The following SZT2 variants were observed in gnomAD, a reference collection of about 807,000 sequenced individuals.
The protein encoded by SZT2 is SZT2 subunit of KICSTOR complex, also known as KICSTOR complex protein SZT2.
In SZT2, 216 loss-of-function variants were observed where a neutral mutation model predicts 404.2. That is an observed-to-expected ratio of 0.53 (90% CI 0.48 to 0.60). SZT2 has a LOEUF of 0.60. Among genes scored for constraint, SZT2 ranks in the 20% least tolerant of loss-of-function variants. The pLI is 0.00. For synonymous variants in SZT2, 1,693 were observed against 1,749.9 expected (o/e 0.97, Z 0.81); for missense variants, 3,857 against 4,459.2 (o/e 0.86, Z 3.85).
At position 43,439,261 on chromosome 1, in the gene SZT2, A is replaced by C. The variant is rs1570703721; in HGVS notation, c.6793-97A>C. 6.5e-7 allele frequency: 1 copy of C among 1,533,706 alleles called. No homozygotes were observed. On this transcript the variant is annotated intron_variant, in intron 48 of 71. Coordinates refer to ENST00000634258, the MANE Select transcript of SZT2 (RefSeq NM_001365999.1). The surrounding 1 kb of genome is among the most constrained non-coding windows in gnomAD (Gnocchi z 4.2). Reference sequence around the variant, plus strand: ...CCCGCCTGTGTCTTCTCATGCTCCCATATCTACCTGCACCACATTCCCCAC... The same window carrying C: ...CCCGCCTGTGTCTTCTCATGCTCCCCTATCTACCTGCACCACATTCCCCAC...
chr1:43,392,299 A>C (rs929311887), intron 1 of SZT2, among the ~76,000 whole-genome samples: 4 of 152,122 alleles, frequency 2.6e-5, no homozygotes, highest in African/African-American at 4.8e-5. Context: ...TGGTCTAGCA[A>C]CATTGTAAGT....
rs1653433410 is a variant in SZT2, at chr1:43,428,308, T to C, written c.3988T>C (p.Cys1330Arg). The C allele has an allele frequency of 6.2e-7, 1 of 1,614,040 alleles. No individual in the cohort carries two copies. The highest frequency in any genetic ancestry group is 1.7e-5 in the Admixed American group (1 of 60,006). Residue 1330 changes from cysteine (C) to arginine (R), a missense_variant, in exon 28 of 72, where the codon TGT becomes CGT. Around this residue, in one of 7 missense-constraint regions of SZT2, gnomAD observed 1,725 missense variants for 1,881.0 expected, o/e 0.92. Transcript: ENST00000634258. ...SQDLLTAVDA[C>R]EELLQEIDIT... ...GGATTTGCTGACAGCGGTAGATGCC[T>C]GTGAGGAGCTACTACAAGAAATAGA...
rs1158211086 is a variant in SZT2 at position 43,391,945 on chromosome 1, G to A, written c.27+1950G>A. ...AAAAAATACAAAAAATTAGCTGGGC[G>A]TGGTGGCGGGCGCCTGTAGTCCCAG... is the stretch of plus-strand genomic sequence containing the variant. On this transcript the variant is annotated intron_variant, in intron 1 of 71. Transcript: ENST00000634258. Among the ~76,000 whole-genome samples the A allele has an allele frequency of 2.9e-5, 2 of 69,740 alleles. 1 individual carries two copies. Among genetic ancestry groups the A allele is most frequent in the African/African-American group, 1.2e-4 (2 of 16,848 alleles). The allele number at this position is 69,740 out of a possible 152,430, so 45.8% of individuals were successfully genotyped here.
In SZT2 at chr1:43,448,129, T is replaced by C; in HGVS notation, c.9614T>C (p.Leu3205Pro). 6.2e-7 allele frequency: 1 copy of C among 1,605,914 alleles called. No homozygotes were observed. Among genetic ancestry groups the C allele is most frequent in the Non-Finnish European group, 8.5e-7 (1 of 1,174,748 alleles). ...LTSQRELFPR[L>P]TADMRRFRKP... ...AGCCAGCGAGAGCTCTTCCCCAGGCTCACTGCTGACATGCGCCGCTTCCGG... is the reference window on the plus strand; with the variant it reads ...AGCCAGCGAGAGCTCTTCCCCAGGCCCACTGCTGACATGCGCCGCTTCCGG... Residue 3205 changes from leucine to proline, a missense_variant, in exon 69 of 72, where the codon CTC (leucine) becomes CCC (proline). By Grantham distance (98) the Leu-to-Pro change is moderately conservative. This residue lies in a region of SZT2 where 717 missense variants were observed against 868.2 expected (regional missense o/e 0.83). Transcript: ENST00000634258. The surrounding 1 kb of genome is among the most constrained non-coding windows in gnomAD (Gnocchi z 4.2).
chr1:43,446,577 C>A, intron 65 of SZT2, 161 bp downstream of exon 65: 3 of 824,992 alleles, frequency 3.6e-6, no homozygotes, highest in Non-Finnish European at 1.9e-6. Context: ...CATTCTGGTG[C>A]CATGACTGCA....
chr1:43,439,518 T>C lies in SZT2; in HGVS notation c.6877+76T>C. On this transcript the variant is annotated intron_variant, in intron 49 of 71. Coordinates refer to ENST00000634258, the MANE Select transcript of SZT2 (RefSeq NM_001365999.1). The surrounding 1 kb of genome is among the most constrained non-coding windows in gnomAD (Gnocchi z 4.2). ...TTGTCATCCTATTGCTAAGAGGACA[T>C]TTCCCAGGCTTGCAGCTGAGTGGAG... is the stretch of plus-strand genomic sequence containing the variant. The C allele has an allele frequency of 1.2e-6, 2 of 1,600,402 alleles. No individual in the cohort carries two copies. The highest frequency in any genetic ancestry group is 1.7e-6 in the Non-Finnish European group (2 of 1,171,958).
rs1193615889 is a variant in SZT2, at chr1:43,403,706, G to T, written c.259G>T (p.Val87Phe). 1.9e-6 allele frequency: 3 copies of T among 1,614,138 alleles called. No individual in the cohort carries two copies. The highest frequency in any genetic ancestry group is 2.5e-6 in the Non-Finnish European group (3 of 1,180,038). ...ATTCCTCCTGGTACCTTCCACCCGG[G>T]TCACCTTCCTGGCTTGGCAGTATCG... ...RPFLLVPSTR[V>F]TFLAWQYRFV... Residue 87 changes from valine to phenylalanine, a missense_variant, in exon 3 of 72, where the codon GTC (valine) becomes TTC (phenylalanine). By Grantham distance (50) the Val-to-Phe change is conservative. This residue lies in a region of SZT2 where 536 missense variants were observed against 637.4 expected (regional missense o/e 0.84). Coordinates refer to ENST00000634258, the MANE Select transcript of SZT2 (RefSeq NM_001365999.1).
Position 43,450,119 on chromosome 1 carries a change from A to G in SZT2, c.10103A>G (p.Lys3368Arg). The G allele has an allele frequency of 6.2e-7, 1 of 1,614,102 alleles. No individual in the cohort carries two copies. The highest frequency in any genetic ancestry group is 1.6e-4 in the Middle Eastern group (1 of 6,062). The change falls in exon 71 of 72, where the codon AAG becomes AGG. Residue 3368 changes from lysine (K) to arginine (R), a missense_variant. Physicochemically the swap from Lys to Arg is conservative, Grantham distance 26. Coordinates refer to ENST00000634258, the MANE Select transcript of SZT2 (RefSeq NM_001365999.1). The surrounding 1 kb of genome is among the most constrained non-coding windows in gnomAD (Gnocchi z 4.3). ...GTQYLVVLNQ[K>R]FTDCFVLVFL... ...TCACTGCAGGTTGTGCTGAATCAGA[A>G]GTTCACTGACTGCTTTGTGCTAGTG...
chr1:43,437,053 C>A lies in SZT2; in HGVS notation c.6035-118C>A. 7.6e-7 allele frequency: 1 copy of A among 1,319,626 alleles called. No homozygotes were observed. The highest frequency in any genetic ancestry group is 1.1e-6 in the Non-Finnish European group (1 of 951,624). The allele number at this position is 1,319,626 out of a possible 1,614,324, so 81.7% of individuals were successfully genotyped here. ...ACCCAGAATGATCATCATTTCTCTG[C>A]AATAGTCAGGGATGAGTCTGGAGGA... On this transcript the variant is annotated intron_variant, in intron 42 of 71. Transcript: ENST00000634258. The surrounding 1 kb of genome is among the most constrained non-coding windows in gnomAD (Gnocchi z 5.3).
At chr1:43,392,958 C>T (rs191019222) in intron 1 of SZT2, among the ~76,000 whole-genome samples, 9 of 152,206 alleles carry the variant, frequency 5.9e-5, no homozygotes, top group African/African-American at 2.2e-4. Context: ...GATACAGAGC[C>T]GTGTAAGACA....
Position 43,453,092 on chromosome 1 carries a change from TG to T in SZT2, c.*2614del. 1.2e-6 allele frequency: 1 copy of T among 807,212 alleles called. No homozygotes were observed. The highest frequency in any genetic ancestry group is 2.7e-5 in the East Asian group (1 of 37,702). 50.0% of individuals were successfully genotyped at this position (807,212 alleles called of 1,614,324 possible). On this transcript the variant is annotated 3_prime_UTR_variant, in exon 72 of 72. Coordinates refer to ENST00000634258, the MANE Select transcript of SZT2 (RefSeq NM_001365999.1). ...TGCCTACCCTGCTCCCACAGCTTCC[TG>T]GAATAGGCCTGTCCTCAAATGCATC... is the stretch of plus-strand genomic sequence containing the variant.
In SZT2 at chr1:43,431,001, G is replaced by GA; in HGVS notation, c.4828dup (p.Arg1610LysfsTer34). 1 of 1,614,182 alleles carries GA rather than the reference G, an allele frequency of 6.2e-7. No individual in the cohort carries two copies. Among genetic ancestry groups the GA allele is most frequent in the Non-Finnish European group, 8.5e-7 (1 of 1,180,036 alleles). On this transcript the variant is annotated frameshift_variant, in exon 33 of 72. Coordinates refer to ENST00000634258, the MANE Select transcript of SZT2 (RefSeq NM_001365999.1). LOFTEE classifies it high-confidence loss of function. Reference sequence around the variant, plus strand: ...CCCCAGTTGGAGGCCGAGTTCCCTTGAGGGACCTCAGTGTGACTCTGGATG... The same window carrying GA: ...CCCCAGTTGGAGGCCGAGTTCCCTTGAAGGGACCTCAGTGTGACTCTGGATG...
chr1:43,432,469 G>C, intron 37 of SZT2, 30 bp downstream of exon 37: 1 of 1,565,512 alleles, frequency 6.4e-7, no homozygotes, highest in Non-Finnish European at 8.6e-7. Context: ...GGAGGGGGGT[G>C]GTGGGTGTGT....
chr1:43,425,419 G>A lies in SZT2; in HGVS notation c.2646-55G>A. The A allele has an allele frequency of 2.5e-6, 4 of 1,605,522 alleles. No homozygotes were observed. Among genetic ancestry groups the A allele is most frequent in the Non-Finnish European group, 3.4e-6 (4 of 1,174,598 alleles). On this transcript the variant is annotated intron_variant, in intron 18 of 71. Coordinates refer to ENST00000634258, the MANE Select transcript of SZT2 (RefSeq NM_001365999.1). The surrounding 1 kb of genome is among the most constrained non-coding windows in gnomAD (Gnocchi z 4.3). ...TGTGCCTGCCTCCTTCCCTCCATGA[G>A]GTTCACTCCCTGCCATGAGGCTGTG...
chr1:43,398,711 G>T (rs1649293961), intron 1 of SZT2, among the ~76,000 whole-genome samples: 1 of 152,196 alleles, frequency 6.6e-6, no homozygotes, highest in African/African-American at 2.4e-5. Flanking sequence ...CGATAAGAGT[G>T]TACAATTTGA....
chr1:43,437,195 C>T lies in SZT2; in HGVS notation c.6059C>T (p.Ala2020Val), dbSNP rs143602595. The change falls in exon 43 of 72, where the codon GCG becomes GTG. Residue 2020 changes from alanine (A) to valine (V), a missense_variant. Ala to Val is a moderately conservative substitution (Grantham distance 64). Around this residue, in one of 7 missense-constraint regions of SZT2, gnomAD observed 1,725 missense variants for 1,881.0 expected, o/e 0.92. Coordinates refer to ENST00000634258, the MANE Select transcript of SZT2 (RefSeq NM_001365999.1). This position sits in a 1 kb window ranked among gnomAD's most constrained non-coding sequence, Gnocchi z 5.3. Reference sequence around the variant, plus strand: ...GATTATGCTGCTGATGAGAGCTGTGCGCCCCGTGGGTACCTGGCAGCCACA... The same window carrying T: ...GATTATGCTGCTGATGAGAGCTGTGTGCCCCGTGGGTACCTGGCAGCCACA... ...SDDYAADESC[A>V]PRGYLAATMQ... 1.0e-4 allele frequency: 164 copies of T among 1,614,184 alleles called. No individual in the cohort carries two copies. The highest frequency in any genetic ancestry group is 1.5e-4 in the Admixed American group (9 of 60,024).
In SZT2 at chr1:43,437,133, G is replaced by A. The variant is rs140572539; in HGVS notation, c.6035-38G>A. On this transcript the variant is annotated intron_variant, in intron 42 of 71. Coordinates refer to ENST00000634258, the MANE Select transcript of SZT2 (RefSeq NM_001365999.1). The surrounding 1 kb of genome is among the most constrained non-coding windows in gnomAD (Gnocchi z 5.3). ...AGAAGTCTGTGGAGGGCAGAGGGTG[G>A]TGTGTCCCATTTCTAATCCCTGCTC... is the stretch of plus-strand genomic sequence containing the variant. The A allele has an allele frequency of 1.2e-3, 1,926 of 1,610,466 alleles. 24 individuals are homozygous for A. The African/African-American group carries it at 0.023, about 19-fold the overall frequency.
At position 43,432,388 on chromosome 1, in the gene SZT2, G is replaced by T; in HGVS notation, c.5391G>T (p.Ala1797=). Residue 1797 remains alanine (A), a synonymous_variant, in exon 37 of 72, where the codon GCG becomes GCT. Coordinates refer to ENST00000634258, the MANE Select transcript of SZT2 (RefSeq NM_001365999.1). ...GGTCCCATGGGGAGCCTTCTTCAGCGGCCTGGGCTTGGCACAGTCATGAGG... is the reference window on the plus strand; with the variant it reads ...GGTCCCATGGGGAGCCTTCTTCAGCTGCCTGGGCTTGGCACAGTCATGAGG... ...PGGSHGEPSS[A]AWAWHSHEDR... The T allele has an allele frequency of 1.3e-6, 2 of 1,598,060 alleles. No individual in the cohort carries two copies. Among genetic ancestry groups the T allele is most frequent in the Non-Finnish European group, 1.7e-6 (2 of 1,173,382 alleles).
Position 43,441,339 on chromosome 1 carries a change from T to C in SZT2, c.7470T>C (p.Ala2490=), listed in dbSNP as rs935088077. The C allele has an allele frequency of 3.1e-6, 5 of 1,614,100 alleles. No homozygotes were observed. The highest frequency in any genetic ancestry group is 1.1e-5 in the South Asian group (1 of 91,052). Residue 2490 remains alanine (A), a synonymous_variant, in exon 53 of 72, where the codon GCT becomes GCC. Coordinates refer to ENST00000634258, the MANE Select transcript of SZT2 (RefSeq NM_001365999.1). This position sits in a 1 kb window ranked among gnomAD's most constrained non-coding sequence, Gnocchi z 4.8. ...AGAGTGTTCGGACTCCTGGTGGAGC[T>C]GAGCGGGCGCCAGGCTCAGATTCTG... The part of the protein sequence containing the change: ...KTESVRTPGG[A]ERAPGSDSGA...
Sources: allele counts gnomAD v4.1 joint callset (sites outside exome capture counted in the v4.1 genomes callset), GRCh38; gene constraint gnomAD v4.1.1; regional missense constraint gnomAD v4.1.1; non-coding constraint Gnocchi (gnomAD v3.1); transcripts MANE v1.5; gene names NCBI Gene and HGNC (gene_info 2026-07-23, HGNC 2026-07-21).